Variants in GHR observed in about 807,000 individuals in gnomAD.
GHR encodes the protein GH receptor.
In GHR, 35 loss-of-function variants were observed where a neutral mutation model predicts 67.1. The ratio of observed to expected loss-of-function variants is 0.52; its 90% CI spans 0.40 to 0.69. The LOEUF is 0.69. GHR is among the 30% of genes least tolerant of loss of function. The pLI is 0.00. For missense variants in GHR, 792 were observed against 764.6 expected (o/e 1.04, Z -0.42); for synonymous variants, 272 against 269.1 (o/e 1.01, Z -0.10).
rs143104127 is a variant in GHR at position 42,578,812 on chromosome 5, C to T, written c.70+12868C>T. Reference sequence around the variant, plus strand: ...GAAGTTGTCAGACAGCTGTTAATTCCCCTTTTTCATACCTGCTCCAATGAT... The same window carrying T: ...GAAGTTGTCAGACAGCTGTTAATTCTCCTTTTTCATACCTGCTCCAATGAT... On this transcript the variant is annotated intron_variant, in intron 2 of 9. Transcript: ENST00000230882. 8.4e-3 allele frequency among the ~76,000 whole-genome samples: 1,284 copies of T among 152,080 alleles called. 8 individuals carry two copies. Among genetic ancestry groups the T allele is most frequent in the Non-Finnish European group, 0.011 (773 of 67,978 alleles).
At chr5:42,622,203 T>C (rs970005395) in intron 2 of GHR, among the ~76,000 whole-genome samples, 2 of 152,140 alleles carry the variant, frequency 1.3e-5, no homozygotes, top group Non-Finnish European at 2.9e-5. Context: ...TCTTTGAGAA[T>C]TGATCCCTGA....
chr5:42,605,383 G>A (rs1752582190), intron 2 of GHR, among the ~76,000 whole-genome samples: 1 of 152,044 alleles, frequency 6.6e-6, no homozygotes, highest in East Asian at 1.9e-4. Flanking sequence ...TGGGATTATA[G>A]ATGAGAGCCA....
intron 1 of GHR, among the ~76,000 whole-genome samples, chr5:42,466,415 A>C (rs950515050): frequency 2.6e-5 from 4 of 152,214 alleles, no homozygotes; most frequent in Admixed American, 6.5e-5. Flanking sequence ...ATAAACATTC[A>C]TAAGTGAATT....
At chr5:42,562,644 CT>C (rs1212633265) in intron 1 of GHR, among the ~76,000 whole-genome samples, 1,272 of 77,768 alleles carry the variant, frequency 0.016, 5 homozygotes, top group African/African-American at 0.058. Context: ...GTTATAGTTC[CT>C]TTTTTTTTTT....
intron 3 of GHR, among the ~76,000 whole-genome samples, chr5:42,638,946 G>A (rs575103345): frequency 7.6e-4 from 115 of 152,222 alleles, no homozygotes; most frequent in South Asian, 6.2e-3. Flanking sequence ...AAGAGGCAAC[G>A]GAAACGTCAC....
chr5:42,460,475 G>C (rs1406737570), intron 1 of GHR, among the ~76,000 whole-genome samples: 3 of 152,178 alleles, frequency 2.0e-5, no homozygotes. Flanking sequence ...TAAGTACTTT[G>C]CTTATCATAC....
intron 1 of GHR, among the ~76,000 whole-genome samples, chr5:42,523,057 G>A (rs1202860496): frequency 1.3e-5 from 2 of 152,160 alleles, no homozygotes; most frequent in South Asian, 2.1e-4. Flanking sequence ...CCTAAAATGA[G>A]CAAAGAGATA....
rs565419730 is a variant in GHR at position 42,467,571 on chromosome 5, G to T, written c.-12+43616G>T. On this transcript the variant is annotated intron_variant, in intron 1 of 9. Coordinates refer to ENST00000230882, the MANE Select transcript of GHR (RefSeq NM_000163.5). ...GCCTAAAGGTTTTTTCTAAGGAGAG[G>T]TTTTTTTGATATACAGTCAGATTTG... is the stretch of plus-strand genomic sequence containing the variant. The T allele has an allele frequency of 7.3e-5, 115 of 1,569,650 alleles. No individual in the cohort carries two copies. In the African/African-American group the frequency reaches 1.4e-3, roughly 19 times the overall value.
chr5:42,711,361 C>T lies in GHR; in HGVS notation c.773C>T (p.Thr258Ile). The T allele has an allele frequency of 1.2e-6, 2 of 1,609,698 alleles. No homozygotes were observed. The highest frequency in any genetic ancestry group is 1.7e-6 in the Non-Finnish European group (2 of 1,175,994). ...ACACTTCCTCAGATGAGCCAATTTA[C>T]ATGTGAAGAAGGTAAAAGAAATAAA... is the stretch of plus-strand genomic sequence containing the variant. ...YVTLPQMSQF[T>I]CEEDFYFPWL... The change falls in exon 7 of 10, where the codon ACA becomes ATA. Residue 258 changes from threonine (T) to isoleucine (I), a missense_variant. Thr to Ile is a moderately conservative substitution (Grantham distance 89, BLOSUM62 -1). Coordinates refer to ENST00000230882, the MANE Select transcript of GHR (RefSeq NM_000163.5).
intron 1 of GHR, among the ~76,000 whole-genome samples, chr5:42,486,357 C>A (rs1344852806): frequency 6.6e-6 from 1 of 152,168 alleles, no homozygotes; most frequent in African/African-American, 2.4e-5. Flanking sequence ...TTTTATATCA[C>A]CCTCTCAATT....
intron 1 of GHR, among the ~76,000 whole-genome samples, chr5:42,517,458 G>C (rs1381526889): frequency 6.6e-6 from 1 of 152,174 alleles, no homozygotes; most frequent in Non-Finnish European, 1.5e-5. Flanking sequence ...AATGAGTACA[G>C]TATGAAAATT....
chr5:42,544,246 G>A (rs1184318758), intron 1 of GHR, among the ~76,000 whole-genome samples: 1 of 152,108 alleles, frequency 6.6e-6, no homozygotes, highest in Non-Finnish European at 1.5e-5. Flanking sequence ...AGCGTGAGAA[G>A]ACATACTTAG....
chr5:42,666,224 A>T (rs1193830252), intron 3 of GHR, among the ~76,000 whole-genome samples: 1 of 148,284 alleles, frequency 6.7e-6, no homozygotes, highest in Non-Finnish European at 1.5e-5. Flanking sequence ...AATGCAAGCT[A>T]CATATGCCAT....
chr5:42,698,386 A>C (rs1200656542), intron 5 of GHR, among the ~76,000 whole-genome samples: 1 of 152,234 alleles, frequency 6.6e-6, no homozygotes, highest in Non-Finnish European at 1.5e-5. Context: ...TAGTTTGGTC[A>C]CTTTAAACGG....
chr5:42,716,676 C>G (rs1758738664), intron 8 of GHR, among the ~76,000 whole-genome samples: 1 of 152,122 alleles, frequency 6.6e-6, no homozygotes, highest in Non-Finnish European at 1.5e-5. Context: ...ATTTGTATTA[C>G]TTATTTCTAT....
At chr5:42,569,741 G>GTA (rs547275261) in intron 2 of GHR, among the ~76,000 whole-genome samples, 1 of 151,828 alleles carries the variant, frequency 6.6e-6, no homozygotes, top group Non-Finnish European at 1.5e-5. Context: ...ACATATACAT[G>GTA]TATATATATG....
intron 1 of GHR, 72 bp from the exon 2 acceptor site, chr5:42,565,792 T>G: frequency 6.2e-7 from 1 of 1,612,604 alleles, no homozygotes; most frequent in African/African-American, 1.3e-5. Flanking sequence ...TTACCCAGTC[T>G]TTAAACAGTA....
At chr5:42,429,239 T>G (rs748281695) in intron 1 of GHR, among the ~76,000 whole-genome samples, 16 of 152,208 alleles carry the variant, frequency 1.1e-4, no homozygotes, top group Admixed American at 2.0e-4. Flanking sequence ...GGAACTACCC[T>G]TTATAAAACC....
chr5:42,711,543 G>A lies in GHR; in HGVS notation c.784+171G>A, dbSNP rs148179595. Among the ~76,000 whole-genome samples, 112 of 152,238 alleles carry A rather than the reference G, an allele frequency of 7.4e-4. No individual in the cohort carries two copies. The East Asian group carries it at 0.019, about 26-fold the overall frequency. ...GTAACAGATATTGTTCATTGCAAAAGCAGAAGGAAGATTTAGTTTCCAAAT... is the reference window on the plus strand; with the variant it reads ...GTAACAGATATTGTTCATTGCAAAAACAGAAGGAAGATTTAGTTTCCAAAT... On this transcript the variant is annotated intron_variant, in intron 7 of 9. Coordinates refer to ENST00000230882, the MANE Select transcript of GHR (RefSeq NM_000163.5).
Sources: gnomAD v4.1 joint callset for allele counts (sites outside exome capture counted in the v4.1 genomes callset) on GRCh38, gnomAD v4.1.1 for gene constraint, MANE v1.5 for transcripts, NCBI Gene and HGNC (gene_info 2026-07-23, HGNC 2026-07-21) for gene names.